Variants in ST3GAL1 observed in about 807,000 individuals in gnomAD.
ST3GAL1 encodes ST3 beta-galactoside alpha-2,3-sialyltransferase 1, also known as CMP-N-acetylneuraminate-beta-galactosamide-alpha-2,3-sialyltransferase 1.
ST3GAL1 carries 16 observed loss-of-function variants against 34.1 expected under a neutral mutation model. The observed-to-expected ratio is 0.47, with a 90% CI of 0.32 to 0.71. The LOEUF (loss-of-function observed/expected upper bound fraction) is 0.71. Ranked by LOEUF, ST3GAL1 falls within the 30% of genes least tolerant of loss-of-function variation. ST3GAL1 has a pLI of 0.04. For missense variants in ST3GAL1, 353 were observed against 447.4 expected (o/e 0.79, Z 1.90); for synonymous variants, 191 against 184.7 (o/e 1.03, Z -0.28).
Position 133,469,134 on chromosome 8 carries a change from C to T in ST3GAL1, c.307-3044G>A, listed in dbSNP as rs1815852910. On this transcript the variant is annotated intron_variant, in intron 5 of 9. Transcript: ENST00000522652. The surrounding 1 kb of genome is among the most constrained non-coding windows in gnomAD (Gnocchi z 4.3). ...TGGAGAGTATGCTGCCTGCTTCACACAGCACCACATCATCCTGCTGGACTC... is the reference window on the plus strand; with the variant it reads ...TGGAGAGTATGCTGCCTGCTTCACATAGCACCACATCATCCTGCTGGACTC... Among the ~76,000 whole-genome samples, 1 of 152,228 alleles carries T rather than the reference C, an allele frequency of 6.6e-6. No homozygotes were observed. Among genetic ancestry groups the T allele is most frequent in the African/African-American group, 2.4e-5 (1 of 41,454 alleles).
rs1310987110 is a variant in ST3GAL1, at chr8:133,456,937, A to G, written c.*2827T>C. ...AACTCTGACTTGTGCTATCTGTCCC[A>G]GACAGTTCACGACTGCCCGTCACTT... is the stretch of plus-strand genomic sequence containing the variant. On this transcript the variant is annotated 3_prime_UTR_variant, in exon 10 of 10. Transcript: ENST00000522652. The G allele has an allele frequency of 6.6e-6, 1 of 152,330 alleles. No individual in the cohort carries two copies. The highest frequency in any genetic ancestry group is 1.5e-5 in the Non-Finnish European group (1 of 68,102). 9.4% of individuals were successfully genotyped at this position (152,330 alleles called of 1,614,324 possible). A position where few individuals can be genotyped will look rare whatever the true frequency, so the allele number is the denominator to read the frequency against.
At chr8:133,504,616 C>T (rs112037927) in intron 2 of ST3GAL1, among the ~76,000 whole-genome samples, 3,147 of 152,176 alleles carry the variant, frequency 0.021, 119 homozygotes, top group African/African-American at 0.071. Context: ...ATAGGCCATG[C>T]TGGGGGAGAG....
chr8:133,472,447 C>A (rs1362473080), intron 5 of ST3GAL1, among the ~76,000 whole-genome samples: 2 of 152,304 alleles, frequency 1.3e-5, no homozygotes, highest in Admixed American at 1.3e-4. Flanking sequence ...AGCTACAATT[C>A]AAGATGAGAT....
chr8:133,550,345 C>T (rs890228567), intron 1 of ST3GAL1, among the ~76,000 whole-genome samples: 1 of 152,132 alleles, frequency 6.6e-6, no homozygotes, highest in Non-Finnish European at 1.5e-5. Flanking sequence ...CATGTTCATA[C>T]ACACGAGCCA....
intron 2 of ST3GAL1, among the ~76,000 whole-genome samples, chr8:133,531,992 T>G (rs1027917763): frequency 6.6e-6 from 1 of 152,180 alleles, no homozygotes; most frequent in Non-Finnish European, 1.5e-5. Context: ...CTGTCCTGCA[T>G]GTACAGTAGA....
At position 133,508,762 on chromosome 8, in the gene ST3GAL1, G is replaced by A. The variant is rs1310145959; in HGVS notation, c.-428-9573C>T. Among the ~76,000 whole-genome samples, 1 of 152,080 alleles carries A rather than the reference G, an allele frequency of 6.6e-6. No homozygotes were observed. Among genetic ancestry groups the A allele is most frequent in the Non-Finnish European group, 1.5e-5 (1 of 68,018 alleles). ...GTGCCAGGCTCTCTTTGGGATACTG[G>A]AGATACAATGAGGAGTGAAATATAT... is the stretch of plus-strand genomic sequence containing the variant. On this transcript the variant is annotated intron_variant, in intron 2 of 9. Coordinates refer to ENST00000522652, the MANE Select transcript of ST3GAL1 (RefSeq NM_173344.3). The surrounding 1 kb of genome is among the most constrained non-coding windows in gnomAD (Gnocchi z 4.1).
intron 8 of ST3GAL1, among the ~76,000 whole-genome samples, chr8:133,463,077 T>C: frequency 6.6e-6 from 1 of 152,056 alleles, no homozygotes; most frequent in Non-Finnish European, 1.5e-5. Context: ...GCTTTGAGAG[T>C]AATTCACAAA....
rs759806560 is a variant in ST3GAL1, at chr8:133,463,414, C to T, written c.729G>A (p.Lys243=). Residue 243 remains lysine (K), a splice_region_variant and synonymous_variant, in exon 8 of 10, where the codon AAG becomes AAA. Transcript: ENST00000522652. ...CAGAGGGGCCGGGGCCTCCACTCAC[C>T]TTATCCTGTTTCACTCTGATCTTTG... is the stretch of plus-strand genomic sequence containing the variant. The part of the protein sequence containing the change: ...VPAKIRVKQD[K]ILIYHPAFIK... The T allele has an allele frequency of 1.2e-6, 2 of 1,614,006 alleles. No homozygotes were observed. Among genetic ancestry groups the T allele is most frequent in the East Asian group, 2.2e-5 (1 of 44,888 alleles).
At chr8:133,505,287 A>C (rs2131001803) in intron 2 of ST3GAL1, among the ~76,000 whole-genome samples, 1 of 152,242 alleles carries the variant, frequency 6.6e-6, no homozygotes, top group East Asian at 1.9e-4. Context: ...CTCCAGTATC[A>C]TAAAGATAAT....
At chr8:133,541,110 TATATATATATAG>T (rs1818508873) in intron 2 of ST3GAL1, among the ~76,000 whole-genome samples, 1 of 42,044 alleles carries the variant, frequency 2.4e-5, no homozygotes. Context: ...TATATATATA[TATATATATATAG>T]AGAGAGAGAG....
At chr8:133,513,522 G>A (rs1054782725) in intron 2 of ST3GAL1, among the ~76,000 whole-genome samples, 16 of 152,272 alleles carry the variant, frequency 1.1e-4, no homozygotes, top group East Asian at 1.9e-4. Context: ...GGCTACTTTC[G>A]TGCTCCAATG....
chr8:133,539,285 C>A (rs949632530), intron 2 of ST3GAL1, among the ~76,000 whole-genome samples: 1 of 152,184 alleles, frequency 6.6e-6, no homozygotes, highest in Non-Finnish European at 1.5e-5. Context: ...ATTCACTGTA[C>A]CATGGAGCAC....
At chr8:133,509,688 T>A (rs2975743) in intron 2 of ST3GAL1, among the ~76,000 whole-genome samples, 39,163 of 152,038 alleles carry the variant, frequency 0.26, 5,274 homozygotes, top group African/African-American at 0.31. Context: ...AGGGATAATT[T>A]TACAGGACGA....
chr8:133,500,883 A>T (rs981019343), intron 2 of ST3GAL1, among the ~76,000 whole-genome samples: 1 of 152,188 alleles, frequency 6.6e-6, no homozygotes, highest in African/African-American at 2.4e-5. Context: ...GGAAGTTGAG[A>T]CTGAGAAGGT....
chr8:133,466,165 C>T lies in ST3GAL1; in HGVS notation c.307-75G>A. ...TCCTGGCAGCAGAGCCCCTGAGCTACCTGCTGTCGTTTACTGGGGCCCTCC... is the reference window on the plus strand; with the variant it reads ...TCCTGGCAGCAGAGCCCCTGAGCTATCTGCTGTCGTTTACTGGGGCCCTCC... On this transcript the variant is annotated intron_variant, in intron 5 of 9. Transcript: ENST00000522652. This position sits in a 1 kb window ranked among gnomAD's most constrained non-coding sequence, Gnocchi z 4.4. The T allele has an allele frequency of 6.8e-7, 1 of 1,476,870 alleles. No homozygotes were observed. Among genetic ancestry groups the T allele is most frequent in the Middle Eastern group, 2.1e-4 (1 of 4,798 alleles). 91.5% of individuals were successfully genotyped at this position (1,476,870 alleles called of 1,614,324 possible). A position where few individuals can be genotyped will look rare whatever the true frequency, so the allele number is the denominator to read the frequency against.
chr8:133,511,614 G>C (rs1817499263), intron 2 of ST3GAL1, among the ~76,000 whole-genome samples: 2 of 152,214 alleles, frequency 1.3e-5, no homozygotes, highest in South Asian at 4.1e-4. Flanking sequence ...CCAGGCTCCG[G>C]AGTGATGCCA....
intron 1 of ST3GAL1, among the ~76,000 whole-genome samples, chr8:133,567,699 G>C (rs1223275371): frequency 1.3e-5 from 2 of 152,150 alleles, no homozygotes; most frequent in Non-Finnish European, 2.9e-5. Context: ...TGCCAAGCGG[G>C]TGTGGGCTCC....
In ST3GAL1 at chr8:133,520,850, C is replaced by T. The variant is rs549390101; in HGVS notation, c.-428-21661G>A. On this transcript the variant is annotated intron_variant, in intron 2 of 9. Transcript: ENST00000522652. ...GCTATGGTGCGATTCCAGCTCACTG[C>T]AACCTCTGCCTCCCAGGTTCAGGCA... Among the ~76,000 whole-genome samples, 4 of 150,810 alleles carry T rather than the reference C, an allele frequency of 2.7e-5. No homozygotes were observed. In the South Asian group the frequency reaches 8.4e-4, roughly 32 times the overall value.
chr8:133,560,978 G>C (rs1029167153), intron 1 of ST3GAL1, among the ~76,000 whole-genome samples: 1 of 152,104 alleles, frequency 6.6e-6, no homozygotes, highest in African/African-American at 2.4e-5. Flanking sequence ...AGGCAATGCA[G>C]CCCAGCCCAG....
Sources: gnomAD v4.1 joint callset for allele counts (sites outside exome capture counted in the v4.1 genomes callset) on GRCh38, gnomAD v4.1.1 for gene constraint, Gnocchi (gnomAD v3.1) non-coding constraint, MANE v1.5 for transcripts, NCBI Gene and HGNC (gene_info 2026-07-23, HGNC 2026-07-21) for gene names.